Variants in CC2D2A observed in about 807,000 individuals in gnomAD.
CC2D2A encodes the protein coiled-coil and C2 domain containing 2A.
A neutral mutation model predicts 212.9 loss-of-function variants in CC2D2A; 155 were observed. The ratio of observed to expected loss-of-function variants is 0.73; its 90% confidence interval spans 0.64 to 0.83. CC2D2A has a LOEUF of 0.83. Ranked by LOEUF, CC2D2A falls within the 40% of genes least tolerant of loss-of-function variation. The probability of loss-of-function intolerance (pLI) is 0.00; values close to 1 mark genes in which losing one functional copy is unlikely to be tolerated. For synonymous variants in CC2D2A, 667 were observed against 686.5 expected (o/e 0.97, Z 0.44); for missense variants, 1,856 against 1,956.2 (o/e 0.95, Z 0.97).
chr4:15,483,163 G>A (rs998930338), intron 4 of CC2D2A, among the ~76,000 whole-genome samples: 5 of 152,224 alleles, frequency 3.3e-5, no homozygotes, highest in African/African-American at 1.2e-4. Context: ...AGTCAAGAGA[G>A]CAGAGGAAGT....
chr4:15,590,213 G>T (rs549508515), intron 33 of CC2D2A, among the ~76,000 whole-genome samples: 3 of 152,120 alleles, frequency 2.0e-5, no homozygotes, highest in African/African-American at 7.2e-5. Flanking sequence ...TAAAGTAGTG[G>T]TTAAAAATAT....
At chr4:15,480,602 G>C in intron 3 of CC2D2A, 102 bp from the exon 4 acceptor site, 3 of 1,360,962 alleles carry the variant, frequency 2.2e-6, no homozygotes, top group Non-Finnish European at 2.0e-6. Flanking sequence ...GATGTGAATA[G>C]TACTAAGGCC....
intron 2 of CC2D2A, among the ~76,000 whole-genome samples, chr4:15,476,799 C>T (rs551066605): frequency 6.6e-6 from 1 of 152,328 alleles, no homozygotes; most frequent in African/African-American, 2.4e-5. Context: ...CATTAAAGCA[C>T]TGCCCACACC....
intron 36 of CC2D2A, among the ~76,000 whole-genome samples, chr4:15,600,469 C>A (rs1053582667): frequency 6.6e-6 from 1 of 152,164 alleles, no homozygotes; most frequent in Non-Finnish European, 1.5e-5. Flanking sequence ...GGAACACTTA[C>A]AGAATTCACA....
intron 14 of CC2D2A, among the ~76,000 whole-genome samples, 175 bp from the exon 15 acceptor site, chr4:15,536,745 C>T (rs1219432908): frequency 6.6e-6 from 1 of 152,176 alleles, no homozygotes; most frequent in Non-Finnish European, 1.5e-5. Flanking sequence ...TCTGTCATCT[C>T]ATGTATACGA....
intron 4 of CC2D2A, among the ~76,000 whole-genome samples, chr4:15,495,600 A>G (rs1715572756): frequency 6.6e-6 from 1 of 152,158 alleles, no homozygotes; most frequent in African/African-American, 2.4e-5. Context: ...CCCATGGTGT[A>G]TATATACCAC....
intron 4 of CC2D2A, among the ~76,000 whole-genome samples, chr4:15,489,083 A>G (rs1715162005): frequency 6.6e-6 from 1 of 152,222 alleles, no homozygotes. Context: ...TTCATTACTA[A>G]CATCTGTTTT....
At chr4:15,555,296 G>A (rs1332863191) in intron 20 of CC2D2A, 86 bp downstream of exon 20, 5 of 1,492,364 alleles carry the variant, frequency 3.4e-6, no homozygotes, top group South Asian at 1.3e-5. Context: ...ATGCAATACT[G>A]TTTAAGAACA....
chr4:15,592,783 T>C (rs1467925576), intron 33 of CC2D2A, among the ~76,000 whole-genome samples: 1 of 152,182 alleles, frequency 6.6e-6, no homozygotes, highest in Non-Finnish European at 1.5e-5. Context: ...AACCTTTGTC[T>C]TGAATTTTCA....
chr4:15,596,758 C>T (rs77968068), intron 34 of CC2D2A, among the ~76,000 whole-genome samples: 10,130 of 152,198 alleles, frequency 0.067, 452 homozygotes, highest in Admixed American at 0.096. Flanking sequence ...GAAATTCTCC[C>T]ATATGTGTAT....
chr4:15,491,316 T>C (rs1027754777), intron 4 of CC2D2A, among the ~76,000 whole-genome samples: 2 of 152,212 alleles, frequency 1.3e-5, no homozygotes, highest in Non-Finnish European at 2.9e-5. Flanking sequence ...TCTTATGCTT[T>C]TAACTTGCAC....
At chr4:15,546,516 A>G (rs1351685620) in intron 17 of CC2D2A, among the ~76,000 whole-genome samples, 1 of 152,164 alleles carries the variant, frequency 6.6e-6, no homozygotes, top group African/African-American at 2.4e-5. Context: ...TTCTCTTCTC[A>G]GGGCCTTTCC....
chr4:15,594,714 C>A (rs1721242604), intron 33 of CC2D2A, among the ~76,000 whole-genome samples: 1 of 152,138 alleles, frequency 6.6e-6, no homozygotes, highest in African/African-American at 2.4e-5. Flanking sequence ...AAAGGGTATG[C>A]ATATAGAAAG....
intron 21 of CC2D2A, among the ~76,000 whole-genome samples, chr4:15,558,600 G>T (rs918019719): frequency 1.3e-5 from 2 of 151,892 alleles, no homozygotes; most frequent in African/African-American, 2.4e-5. Context: ...GCCAGCAGAG[G>T]TGTGTCCCCC....
chr4:15,598,886 G>A (rs1032442115), intron 35 of CC2D2A, among the ~76,000 whole-genome samples: 11 of 152,078 alleles, frequency 7.2e-5, no homozygotes, highest in Admixed American at 3.9e-4. Flanking sequence ...ATGGCCAAGC[G>A]CAGTGACTCA....
intron 30 of CC2D2A, among the ~76,000 whole-genome samples, chr4:15,581,198 C>T (rs1045080166): frequency 6.6e-6 from 1 of 151,956 alleles, no homozygotes; most frequent in Non-Finnish European, 1.5e-5. Context: ...AAAAAAAACC[C>T]CACTTTGTGT....
intron 4 of CC2D2A, among the ~76,000 whole-genome samples, chr4:15,495,526 C>T (rs1476230390): frequency 2.6e-5 from 4 of 152,150 alleles, no homozygotes; most frequent in East Asian, 1.9e-4. Flanking sequence ...GGATAATAGC[C>T]TCCAGCTCCA....
In CC2D2A at chr4:15,538,029, A is replaced by C. The variant is rs777510836; in HGVS notation, c.1895A>C (p.Gln632Pro). The change falls in exon 16 of 37, where the codon CAG becomes CCG. Residue 632 changes from glutamine (Q) to proline (P), a missense_variant. Physicochemically the swap from Gln to Pro is moderately conservative, Grantham distance 76 (BLOSUM62 -1). Transcript: ENST00000424120. ...PEPTDRAVIE[Q>P]EVRERAAQSR... ...CCCACTGATCGGGCAGTGATAGAGC[A>C]GGAGGTGAGGGAGAGAGCAGCCCAG... The C allele has an allele frequency of 1.8e-5, 29 of 1,608,600 alleles. 1 individual carries two copies. Among genetic ancestry groups the C allele is most frequent in the Non-Finnish European group, 8.5e-7 (1 of 1,177,758 alleles).
intron 6 of CC2D2A, among the ~76,000 whole-genome samples, chr4:15,504,746 T>TA (rs2109000559): frequency 6.6e-6 from 1 of 152,326 alleles, no homozygotes; most frequent in South Asian, 2.1e-4. Context: ...GTACCATTCT[T>TA]ACAGTATTGA....
Sources: allele counts gnomAD v4.1 joint callset (sites outside exome capture counted in the v4.1 genomes callset), GRCh38; gene constraint gnomAD v4.1.1; transcripts MANE v1.5; gene names NCBI Gene and HGNC (gene_info 2026-07-23, HGNC 2026-07-21).